The following SNTG1 variants were observed in gnomAD, a reference collection of about 807,000 sequenced individuals.
SNTG1 encodes syntrophin gamma 1, also known as gamma-1-syntrophin.
In SNTG1, 39 loss-of-function variants were observed where a neutral mutation model predicts 74.7. The ratio of observed to expected loss-of-function variants is 0.52; its 90% CI spans 0.40 to 0.68. SNTG1 has a LOEUF of 0.68. SNTG1 is among the 30% of genes least tolerant of loss of function. The pLI is 0.00. For synonymous variants in SNTG1, 254 were observed against 217.1 expected (o/e 1.17, Z -1.49); for missense variants, 685 against 609.5 (o/e 1.12, Z -1.30).
intron 8 of SNTG1, among the ~76,000 whole-genome samples, chr8:50,461,327 A>T (rs949529564): frequency 1.3e-5 from 2 of 152,020 alleles, no homozygotes; most frequent in Admixed American, 1.3e-4. Flanking sequence ...AACCTTGATT[A>T]CCTGTCTGAG....
At chr8:50,435,549 CAACTGGGAATATATT>C (rs1437693743) in intron 4 of SNTG1, among the ~76,000 whole-genome samples, 10 of 152,120 alleles carry the variant, frequency 6.6e-5, no homozygotes, top group Non-Finnish European at 1.0e-4. Flanking sequence ...CAAACACAAA[CAACTGGGAATATATT>C]AGCAGAGGCC....
At chr8:50,051,387 G>T (rs1050153164) in intron 1 of SNTG1, among the ~76,000 whole-genome samples, 3 of 152,002 alleles carry the variant, frequency 2.0e-5, no homozygotes, top group African/African-American at 7.2e-5. Context: ...AAATAAAATT[G>T]AGAACTGTTC....
intron 2 of SNTG1, among the ~76,000 whole-genome samples, chr8:50,359,050 G>A (rs915433337): frequency 6.6e-6 from 1 of 152,142 alleles, no homozygotes; most frequent in South Asian, 2.1e-4. Context: ...AATGACAGGC[G>A]ACAGCAAATG....
intron 15 of SNTG1, among the ~76,000 whole-genome samples, chr8:50,661,452 A>G (rs995300832): frequency 6.6e-6 from 1 of 152,228 alleles, no homozygotes; most frequent in African/African-American, 2.4e-5. Context: ...GAGTGCCTGT[A>G]TATTTACATT....
intron 18 of SNTG1, among the ~76,000 whole-genome samples, chr8:50,768,601 T>A (rs142986042): frequency 6.6e-6 from 1 of 152,156 alleles, no homozygotes; most frequent in Non-Finnish European, 1.5e-5. Flanking sequence ...CAGCTTTCAG[T>A]CTATCTGGCT....
At chr8:50,393,492 G>A (rs916161393) in intron 2 of SNTG1, among the ~76,000 whole-genome samples, 2 of 152,054 alleles carry the variant, frequency 1.3e-5, no homozygotes, top group African/African-American at 2.4e-5. Context: ...GTTTTATAGT[G>A]TCTGGGTGTC....
At chr8:50,213,703 GT>G (rs1163678865) in intron 2 of SNTG1, among the ~76,000 whole-genome samples, 1 of 151,684 alleles carries the variant, frequency 6.6e-6, no homozygotes, top group African/African-American at 2.4e-5. Context: ...TTTTTCATGT[GT>G]TTTTTGGCTG....
intron 13 of SNTG1, among the ~76,000 whole-genome samples, chr8:50,653,975 T>G (rs1023872987): frequency 2.6e-5 from 4 of 151,238 alleles, no homozygotes; most frequent in Non-Finnish European, 5.9e-5. Flanking sequence ...AATGTACACG[T>G]TTTTTTTTCC....
chr8:50,429,743 T>C (rs1022525792), intron 4 of SNTG1, among the ~76,000 whole-genome samples: 4 of 152,072 alleles, frequency 2.6e-5, no homozygotes, highest in Non-Finnish European at 5.9e-5. Flanking sequence ...ACAAATCTAG[T>C]GTGGTATTTA....
intron 2 of SNTG1, among the ~76,000 whole-genome samples, chr8:50,201,753 T>C (rs2083995085): frequency 6.6e-6 from 1 of 152,148 alleles, no homozygotes; most frequent in Non-Finnish European, 1.5e-5. Context: ...TTTAAACAGA[T>C]ATTTATAAAT....
intron 2 of SNTG1, among the ~76,000 whole-genome samples, chr8:50,367,513 TTACA>T (rs1175222840): frequency 6.6e-6 from 1 of 152,174 alleles, no homozygotes. Flanking sequence ...ATGTGTTTAC[TTACA>T]TAGTCTTTCA....
intron 1 of SNTG1, among the ~76,000 whole-genome samples, chr8:49,971,265 C>T (rs1262761886): frequency 1.3e-5 from 2 of 152,132 alleles, no homozygotes; most frequent in Non-Finnish European, 2.9e-5. Flanking sequence ...AAGACAAAAA[C>T]CACATGATTA....
chr8:50,408,262 GTTCCTTGCTT>G (rs1204365680), intron 4 of SNTG1, among the ~76,000 whole-genome samples: 60 of 26,332 alleles, frequency 2.3e-3, no homozygotes, highest in African/African-American at 7.6e-3. Context: ...TTGCTTTAAA[GTTCCTTGCTT>G]TAAAGTTAAA....
At chr8:50,554,555 G>A (rs565459350) in intron 12 of SNTG1, among the ~76,000 whole-genome samples, 40 of 151,582 alleles carry the variant, frequency 2.6e-4, no homozygotes, top group African/African-American at 9.4e-4. Flanking sequence ...TCAACAAGGA[G>A]GCTAAACATG....
At chr8:50,361,088 T>A (rs2091942973) in intron 2 of SNTG1, among the ~76,000 whole-genome samples, 1 of 152,214 alleles carries the variant, frequency 6.6e-6, no homozygotes, top group African/African-American at 2.4e-5. Flanking sequence ...TTTTCTTTCA[T>A]ATATCCTTGT....
chr8:50,071,480 C>T (rs1586144337), intron 1 of SNTG1, among the ~76,000 whole-genome samples: 1 of 151,724 alleles, frequency 6.6e-6, no homozygotes, highest in African/African-American at 2.4e-5. Flanking sequence ...TATACATATA[C>T]ATATTTATTT....
At chr8:50,083,076 T>A (rs1317626641) in intron 1 of SNTG1, among the ~76,000 whole-genome samples, 1 of 152,222 alleles carries the variant, frequency 6.6e-6, no homozygotes, top group East Asian at 1.9e-4. Flanking sequence ...TGGGTTAAAC[T>A]ACTATGCCAA....
chr8:50,088,193 T>A (rs1823094378), intron 1 of SNTG1, among the ~76,000 whole-genome samples: 1 of 151,876 alleles, frequency 6.6e-6, no homozygotes, highest in Non-Finnish European at 1.5e-5. Flanking sequence ...GTTGGACATT[T>A]GGGTTGGTTC....
At chr8:50,104,054 A>T (rs2080263633) in intron 1 of SNTG1, among the ~76,000 whole-genome samples, 2 of 152,192 alleles carry the variant, frequency 1.3e-5, no homozygotes, top group South Asian at 2.1e-4. Context: ...CAGCTTTGGC[A>T]TCAGGATGAT....
Sources: allele counts gnomAD v4.1 joint callset (sites outside exome capture counted in the v4.1 genomes callset), GRCh38; gene constraint gnomAD v4.1.1; transcripts MANE v1.5; gene names NCBI Gene and HGNC (gene_info 2026-07-23, HGNC 2026-07-21).